PDGFD: variants seen among roughly 807,000 people sequenced by gnomAD.
The protein encoded by PDGFD is platelet derived growth factor D.
In PDGFD, 30 loss-of-function variants were observed where a neutral mutation model predicts 44.7. The observed-to-expected ratio is 0.67, with a 90% CI of 0.50 to 0.91. The LOEUF is 0.91. Ranked by LOEUF, PDGFD falls within the 40% of genes least tolerant of loss-of-function variation. PDGFD has a pLI of 0.00. For missense variants in PDGFD, 445 were observed against 457.8 expected (o/e 0.97, Z 0.25); for synonymous variants, 173 against 168.4 (o/e 1.03, Z -0.21).
chr11:104,069,306 G>A (rs763289751), intron 1 of PDGFD, among the ~76,000 whole-genome samples: 7 of 152,152 alleles, frequency 4.6e-5, no homozygotes, highest in Non-Finnish European at 7.4e-5. Flanking sequence ...CAGAAGTACT[G>A]TTGTGTGCTT....
chr11:104,157,772 ATAAGGAAGCAGACTT>A (rs1862328452), intron 1 of PDGFD, among the ~76,000 whole-genome samples: 2 of 152,236 alleles, frequency 1.3e-5, no homozygotes, highest in African/African-American at 4.8e-5. Flanking sequence ...TTGAAAATTG[ATAAGGAAGCAGACTT>A]TAAGTGTTAA....
intron 1 of PDGFD, among the ~76,000 whole-genome samples, chr11:104,135,305 AT>A (rs1861988193): frequency 6.6e-6 from 1 of 152,190 alleles, no homozygotes; most frequent in Admixed American, 6.5e-5. Flanking sequence ...AGGGGCACCT[AT>A]CTCAATACTA....
intron 3 of PDGFD, among the ~76,000 whole-genome samples, chr11:103,960,162 T>A (rs1858914012): frequency 6.6e-6 from 1 of 152,224 alleles, no homozygotes; most frequent in East Asian, 1.9e-4. Context: ...ACTGCCATAT[T>A]CATCCAAACC....
chr11:103,953,455 G>C (rs986468113), intron 3 of PDGFD, among the ~76,000 whole-genome samples: 5 of 152,142 alleles, frequency 3.3e-5, no homozygotes, highest in Admixed American at 2.0e-4. Context: ...ATATTGGTTA[G>C]CACTGACATA....
chr11:103,940,777 G>A (rs1037878729), intron 5 of PDGFD, among the ~76,000 whole-genome samples: 2 of 152,044 alleles, frequency 1.3e-5, no homozygotes, highest in South Asian at 2.1e-4. Flanking sequence ...AAATTAAATG[G>A]TACAAAAATG....
chr11:104,007,342 C>T (rs1389504000), intron 1 of PDGFD, among the ~76,000 whole-genome samples: 1 of 152,150 alleles, frequency 6.6e-6, no homozygotes, highest in Non-Finnish European at 1.5e-5. Context: ...ATGAAGAAGT[C>T]ACCCCTGGCC....
rs751928770 is a variant in PDGFD, at chr11:103,931,577, TTTTTC to T, written c.773-4456_773-4452del. On this transcript the variant is annotated intron_variant, in intron 5 of 6. Coordinates refer to ENST00000393158, the MANE Select transcript of PDGFD (RefSeq NM_025208.5). ...ATGTCCTTGAAGACAGTCAGTAATC[TTTTTC>T]TTTTCTTTTCTTTTCTTTTTTTGAG... 2.9e-4 allele frequency among the ~76,000 whole-genome samples: 44 copies of T among 152,198 alleles called. No homozygotes were observed. The East Asian group carries it at 3.7e-3, about 13-fold the overall frequency.
At chr11:103,963,322 G>A (rs1419001386) in intron 3 of PDGFD, among the ~76,000 whole-genome samples, 3 of 152,084 alleles carry the variant, frequency 2.0e-5, no homozygotes, top group Non-Finnish European at 4.4e-5. Context: ...CACTATATGA[G>A]CTGGGTATAG....
In PDGFD at chr11:103,909,501, G is replaced by A. The variant is rs927783924; in HGVS notation, c.*193C>T. On this transcript the variant is annotated 3_prime_UTR_variant, in exon 7 of 7. Coordinates refer to ENST00000393158, the MANE Select transcript of PDGFD (RefSeq NM_025208.5). ...ATTAAATGCAATCCTATATTCTTAG[G>A]TATAGAAGTTGATGATATACCTTTC... 3.3e-6 allele frequency: 2 copies of A among 615,026 alleles called. No homozygotes were observed. The highest frequency in any genetic ancestry group is 2.9e-6 in the Non-Finnish European group (1 of 349,670). 38.1% of individuals were successfully genotyped at this position (615,026 alleles called of 1,614,324 possible).
chr11:104,075,792 T>C (rs928427780), intron 1 of PDGFD, among the ~76,000 whole-genome samples: 4 of 152,192 alleles, frequency 2.6e-5, no homozygotes, highest in Non-Finnish European at 5.9e-5. Context: ...TGTCTCTCCT[T>C]TCCTAGACAA....
At chr11:103,974,838 T>C (rs1859158585) in intron 3 of PDGFD, among the ~76,000 whole-genome samples, 1 of 152,254 alleles carries the variant, frequency 6.6e-6, no homozygotes, top group Non-Finnish European at 1.5e-5. Context: ...TTAATTTTTA[T>C]GGCTGCATAG....
chr11:104,004,205 G>A (rs1432777915), intron 1 of PDGFD, among the ~76,000 whole-genome samples: 1 of 151,972 alleles, frequency 6.6e-6, no homozygotes, highest in Non-Finnish European at 1.5e-5. Context: ...GTGGGGAGAG[G>A]GGCTTTCCTT....
chr11:104,004,062 C>T (rs1451430126), intron 1 of PDGFD, among the ~76,000 whole-genome samples: 2 of 152,222 alleles, frequency 1.3e-5, no homozygotes, highest in South Asian at 2.1e-4. Context: ...TTTCAAAGTA[C>T]ACTTTTAGAA....
At chr11:104,085,893 T>C (rs1269076050) in intron 1 of PDGFD, among the ~76,000 whole-genome samples, 1 of 152,130 alleles carries the variant, frequency 6.6e-6, no homozygotes, top group Non-Finnish European at 1.5e-5. Context: ...TTTAGATCTA[T>C]TGGACCATGA....
chr11:104,164,095 T>G lies in PDGFD; in HGVS notation c.-168A>C. 1 of 615,774 alleles carries G rather than the reference T, an allele frequency of 1.6e-6. No individual in the cohort carries two copies. Among genetic ancestry groups the G allele is most frequent in the Non-Finnish European group, 2.6e-6 (1 of 389,440 alleles). 38.1% of individuals were successfully genotyped at this position (615,774 alleles called of 1,614,324 possible). Reference sequence around the variant, plus strand: ...CCCAAACTTCCTGCATGCTGAACTTTCCGAGCGCGTGTGGGTGCCGCACTT... The same window carrying G: ...CCCAAACTTCCTGCATGCTGAACTTGCCGAGCGCGTGTGGGTGCCGCACTT... On this transcript the variant is annotated 5_prime_UTR_variant, in exon 1 of 7. Coordinates refer to ENST00000393158, the MANE Select transcript of PDGFD (RefSeq NM_025208.5).
chr11:104,118,898 A>T (rs1306564344), intron 1 of PDGFD, among the ~76,000 whole-genome samples: 2 of 90,536 alleles, frequency 2.2e-5, no homozygotes, highest in African/African-American at 8.9e-5. Flanking sequence ...ATTATGTATA[A>T]TATTAAGTAT....
At chr11:104,119,679 A>G (rs1313904355) in intron 1 of PDGFD, among the ~76,000 whole-genome samples, 2 of 85,946 alleles carry the variant, frequency 2.3e-5, no homozygotes, top group Non-Finnish European at 4.0e-5. Context: ...CGATATATAT[A>G]TCGATATATA....
At chr11:103,985,903 G>A (rs1859355789) in intron 3 of PDGFD, among the ~76,000 whole-genome samples, 1 of 152,116 alleles carries the variant, frequency 6.6e-6, no homozygotes, top group Non-Finnish European at 1.5e-5. Context: ...GTGATTAGCC[G>A]GGCCCAGCCA....
intron 1 of PDGFD, among the ~76,000 whole-genome samples, chr11:104,120,024 T>G (rs944144215): frequency 1.4e-5 from 2 of 146,094 alleles, no homozygotes; most frequent in East Asian, 3.9e-4. Context: ...CTATTATATA[T>G]AAAAATTCCT....
Sources: gnomAD v4.1 joint callset for allele counts (sites outside exome capture counted in the v4.1 genomes callset) on GRCh38, gnomAD v4.1.1 for gene constraint, MANE v1.5 for transcripts, NCBI Gene and HGNC (gene_info 2026-07-23, HGNC 2026-07-21) for gene names.